Variants in ATG7 observed in about 807,000 individuals in gnomAD.
The protein encoded by ATG7 is autophagy related 7, also known as ubiquitin-like modifier-activating enzyme ATG7.
A neutral mutation model predicts 82.4 loss-of-function variants in ATG7; 70 were observed. The ratio of observed to expected loss-of-function variants is 0.85; its 90% CI spans 0.70 to 1.04. The LOEUF is 1.04. ATG7 is among the 50% of genes least tolerant of loss of function. The probability of loss-of-function intolerance (pLI) is 0.00; values close to 1 mark genes in which losing one functional copy is unlikely to be tolerated. For synonymous variants in ATG7, 287 were observed against 313.0 expected (o/e 0.92, Z 0.88); for missense variants, 792 against 864.3 (o/e 0.92, Z 1.05).
At chr3:11,574,189 C>T in the ATG7 span, among the ~76,000 whole-genome samples, 1 of 152,300 alleles carries the variant, frequency 6.6e-6, no homozygotes, top group African/African-American at 2.4e-5. Flanking sequence ...CCCTAGGAAA[C>T]GAACACAATT....
intron 3 of ATG7, chr3:11,288,589 A>G (rs1316489707): frequency 6.6e-6 from 1 of 152,098 alleles, no homozygotes; most frequent in Non-Finnish European, 1.5e-5. Context: ...TTAAGAGGCA[A>G]AAAAGGTCAT....
intron 13 of ATG7, among the ~76,000 whole-genome samples, chr3:11,345,073 A>G (rs1318222879): frequency 6.6e-6 from 1 of 152,104 alleles, no homozygotes; most frequent in African/African-American, 2.4e-5. Context: ...ATGGTTAGGT[A>G]AAATTCAGTT....
rs147390623 is a variant in ATG7 at position 11,404,797 on chromosome 3, A to T, written c.1957-22007A>T. On this transcript the variant is annotated intron_variant, in intron 19 of 20. Coordinates refer to ENST00000693202, the MANE Select transcript of ATG7 (RefSeq NM_001349232.2). ...AGCAGACAAGGGCTTGTGGAGGGGA[A>T]CTCCCTTTATAAAACCATCAGATCT... is the stretch of plus-strand genomic sequence containing the variant. 2.8e-4 allele frequency among the ~76,000 whole-genome samples: 42 copies of T among 151,794 alleles called. No individual in the cohort carries two copies. The East Asian group carries it at 6.0e-3, about 22-fold the overall frequency.
chr3:11,551,087 T>G (rs2071731214), intron 20 of ATG7, among the ~76,000 whole-genome samples: 1 of 152,212 alleles, frequency 6.6e-6, no homozygotes, highest in Non-Finnish European at 1.5e-5. Context: ...GAGATGGCAC[T>G]CCCCAGGCCA....
intron 20 of ATG7, among the ~76,000 whole-genome samples, chr3:11,438,064 C>T (rs73137555): frequency 0.026 from 3,945 of 152,274 alleles, 124 homozygotes; most frequent in African/African-American, 0.076. Context: ...TCCACTTAAG[C>T]ATATCTTTTT....
chr3:11,373,552 T>C (rs1033418657), intron 18 of ATG7, among the ~76,000 whole-genome samples: 1 of 152,218 alleles, frequency 6.6e-6, no homozygotes, highest in Non-Finnish European at 1.5e-5. Flanking sequence ...AGGGGCTTCT[T>C]CTGATGAGGC....
intron 20 of ATG7, among the ~76,000 whole-genome samples, chr3:11,505,304 G>C (rs1178295910): frequency 2.0e-5 from 3 of 152,184 alleles, no homozygotes; most frequent in African/African-American, 7.2e-5. Context: ...GAGAAAAGAA[G>C]ACTAGCGGTA....
At chr3:11,558,494 C>T (rs2072644190), downstream of ATG7, 1 of 751,360 alleles carries the variant, frequency 1.3e-6, no homozygotes. Context: ...TTTTTAAGTA[C>T]TGACTGTTCA....
At chr3:11,512,907 C>T (rs2092127111) in intron 20 of ATG7, among the ~76,000 whole-genome samples, 2 of 152,178 alleles carry the variant, frequency 1.3e-5, no homozygotes, top group Admixed American at 1.3e-4. Context: ...GGTGCGTTTA[C>T]AATCCCTGAG....
At chr3:11,452,558 A>C (rs1297439256) in intron 20 of ATG7, among the ~76,000 whole-genome samples, 1 of 152,160 alleles carries the variant, frequency 6.6e-6, no homozygotes, top group African/African-American at 2.4e-5. Context: ...AGTAAAACCC[A>C]TAAAAAGGTC....
rs2072465203 is a variant in ATG7, at chr3:11,556,813, T to C, written c.*1970T>C. On this transcript the variant is annotated 3_prime_UTR_variant, in exon 21 of 21. Transcript: ENST00000693202. Reference sequence around the variant, plus strand: ...TCTCAACGATTTTTCCTACAGAAAATATAGGGGCCTGAATGCCAAAGCTTG... The same window carrying C: ...TCTCAACGATTTTTCCTACAGAAAACATAGGGGCCTGAATGCCAAAGCTTG... The C allele has an allele frequency of 6.6e-6, 1 of 152,536 alleles. No individual in the cohort carries two copies. The highest frequency in any genetic ancestry group is 2.4e-5 in the African/African-American group (1 of 41,356). 9.4% of individuals were successfully genotyped at this position (152,536 alleles called of 1,614,324 possible).
At chr3:11,355,119 T>C (rs1250090274) in intron 14 of ATG7, among the ~76,000 whole-genome samples, 1 of 152,216 alleles carries the variant, frequency 6.6e-6, no homozygotes, top group African/African-American at 2.4e-5. Flanking sequence ...GAGCTGTGTG[T>C]ACTCACAGCA....
intron 20 of ATG7, among the ~76,000 whole-genome samples, chr3:11,492,466 A>T (rs1010132709): frequency 2.6e-5 from 4 of 152,234 alleles, no homozygotes; most frequent in Admixed American, 2.0e-4. Context: ...AGCTGTTCCT[A>T]TTCAGCCATC....
At chr3:11,554,714 G>A in intron 20 of ATG7, 97 bp from the exon 21 acceptor site, 1 of 1,437,044 alleles carries the variant, frequency 7.0e-7, no homozygotes, top group Non-Finnish European at 9.6e-7. Context: ...GGTTCTGCAG[G>A]TGGGAGCTGC....
intron 20 of ATG7, among the ~76,000 whole-genome samples, chr3:11,474,011 T>C (rs1428047553): frequency 6.6e-6 from 1 of 152,216 alleles, no homozygotes; most frequent in Admixed American, 6.5e-5. Context: ...GGCAAGACAG[T>C]GGCCAGGGGA....
intron 1 of ATG7, among the ~76,000 whole-genome samples, chr3:11,274,320 C>G (rs1941225533): frequency 6.6e-6 from 1 of 151,706 alleles, no homozygotes; most frequent in South Asian, 2.1e-4. Flanking sequence ...TTTTTTTAAG[C>G]CAAGGAGATA....
At chr3:11,318,433 T>G (rs1360356640) in intron 9 of ATG7, among the ~76,000 whole-genome samples, 3 of 152,220 alleles carry the variant, frequency 2.0e-5, no homozygotes, top group Non-Finnish European at 4.4e-5. Context: ...TGGTTGGTCT[T>G]CTATGCCTTA....
At chr3:11,502,682 CA>C (rs1434593898) in intron 20 of ATG7, among the ~76,000 whole-genome samples, 1 of 151,998 alleles carries the variant, frequency 6.6e-6, no homozygotes, top group Non-Finnish European at 1.5e-5. Flanking sequence ...GCATTATTCA[CA>C]AGAATGTTAA....
At chr3:11,452,384 C>CAATAA (rs2085279126) in intron 20 of ATG7, among the ~76,000 whole-genome samples, 1 of 58,420 alleles carries the variant, frequency 1.7e-5, no homozygotes, top group African/African-American at 7.6e-5. Flanking sequence ...GAACCTGTCT[C>CAATAA]AAAAAAAAAA....
Sources: allele counts gnomAD v4.1 joint callset (sites outside exome capture counted in the v4.1 genomes callset), GRCh38; gene constraint gnomAD v4.1.1; transcripts MANE v1.5; gene names NCBI Gene and HGNC (gene_info 2026-07-23, HGNC 2026-07-21).